ARID1B: variants seen among roughly 807,000 people sequenced by gnomAD.
ARID1B encodes the protein AT-rich interactive domain-containing protein 1B.
In ARID1B, 30 loss-of-function variants were observed where a neutral mutation model predicts 212.3. That is an observed-to-expected ratio of 0.14 (90% CI 0.11 to 0.19). The LOEUF is 0.19. Ranked by LOEUF, ARID1B falls within the 10% of genes least tolerant of loss-of-function variation. ARID1B has a pLI of 1.00. For missense variants in ARID1B, 2,891 were observed against 3,204.0 expected (o/e 0.90, Z 2.36); for synonymous variants, 1,402 against 1,301.7 (o/e 1.08, Z -1.66).
At position 156,841,181 on chromosome 6, in the gene ARID1B, C is replaced by T. The variant is rs11966781; in HGVS notation, c.1986+11760C>T. Reference sequence around the variant, plus strand: ...CACATCCATGTTTGTGCTGGGATCACGGAAAGGGCTTTTGATGGCATTTTA... The same window carrying T: ...CACATCCATGTTTGTGCTGGGATCATGGAAAGGGCTTTTGATGGCATTTTA... On this transcript the variant is annotated intron_variant, in intron 2 of 19. Transcript: ENST00000636930. 4.5e-3 allele frequency among the ~76,000 whole-genome samples: 678 copies of T among 152,264 alleles called. 1 individual carries two copies. The highest frequency in any genetic ancestry group is 0.012 in the African/African-American group (481 of 41,544).
intron 2 of ARID1B, among the ~76,000 whole-genome samples, chr6:156,835,625 T>C (rs758477797): frequency 2.0e-5 from 3 of 152,230 alleles, no homozygotes; most frequent in Non-Finnish European, 2.9e-5. Flanking sequence ...GCTGGTAGTT[T>C]ATACTGTTTT....
chr6:157,049,629 A>G (rs1487014480), intron 4 of ARID1B, among the ~76,000 whole-genome samples: 2 of 152,178 alleles, frequency 1.3e-5, no homozygotes, highest in Non-Finnish European at 2.9e-5. Context: ...ATTTTTTTGT[A>G]TCTCATTGAG....
chr6:156,990,560 G>GA, intron 4 of ARID1B, among the ~76,000 whole-genome samples: 1 of 152,128 alleles, frequency 6.6e-6, no homozygotes, highest in Non-Finnish European at 1.5e-5. Flanking sequence ...AGAATCACTT[G>GA]ACCGAGGGAG....
Position 156,778,637 on chromosome 6 carries a change from C to T in ARID1B, c.957C>T (p.Ser319=), listed in dbSNP as rs867654981. Residue 319 remains serine, a synonymous_variant, in exon 1 of 20, where the codon AGC becomes AGT. Coordinates refer to ENST00000636930, the MANE Select transcript of ARID1B (RefSeq NM_001374828.1). ...AVPEFNNYYG[S]AAPASGGPGG... is the part of the protein sequence containing the mutation. ...CGGAGTTTAATAATTACTATGGCAGCGCTGCCCCTGCGAGCGGCGGCCCCG... is the reference window on the plus strand; with the variant it reads ...CGGAGTTTAATAATTACTATGGCAGTGCTGCCCCTGCGAGCGGCGGCCCCG... 3.4e-6 allele frequency: 5 copies of T among 1,467,608 alleles called. No homozygotes were observed. The highest frequency in any genetic ancestry group is 4.5e-5 in the Admixed American group (2 of 44,714). The allele number at this position is 1,467,608 out of a possible 1,614,324, so 90.9% of individuals were successfully genotyped here. A position where few individuals can be genotyped will look rare whatever the true frequency, so the allele number is the denominator to read the frequency against.
intron 5 of ARID1B, among the ~76,000 whole-genome samples, chr6:157,097,737 A>G (rs771166544): frequency 2.6e-5 from 4 of 152,238 alleles, no homozygotes; most frequent in Non-Finnish European, 5.9e-5. Flanking sequence ...GAAAGGGAGC[A>G]GGCAGGCGCC....
At chr6:156,781,581 TC>T (rs1268723561) in intron 1 of ARID1B, among the ~76,000 whole-genome samples, 1 of 152,112 alleles carries the variant, frequency 6.6e-6, no homozygotes, top group East Asian at 1.9e-4. Context: ...TAACAAATAA[TC>T]TTGTGAATCC....
chr6:156,923,762 T>C (rs1186570310), intron 3 of ARID1B, among the ~76,000 whole-genome samples: 1 of 150,806 alleles, frequency 6.6e-6, no homozygotes, highest in African/African-American at 2.4e-5. Context: ...TGGAGTGCAG[T>C]GGTACAATCT....
At chr6:156,969,324 T>C (rs1776758208) in intron 4 of ARID1B, among the ~76,000 whole-genome samples, 1 of 152,204 alleles carries the variant, frequency 6.6e-6, no homozygotes, top group Non-Finnish European at 1.5e-5. Flanking sequence ...TAGTCTGGGC[T>C]TAACTTGTAC....
At chr6:157,114,188 C>G (rs1787150786) in intron 6 of ARID1B, among the ~76,000 whole-genome samples, 1 of 152,146 alleles carries the variant, frequency 6.6e-6, no homozygotes, top group African/African-American at 2.4e-5. Flanking sequence ...CTGAAAGAAA[C>G]AGGCCAAGAA....
intron 5 of ARID1B, among the ~76,000 whole-genome samples, chr6:157,086,709 A>T (rs1331553106): frequency 6.6e-6 from 1 of 152,196 alleles, no homozygotes; most frequent in Non-Finnish European, 1.5e-5. Flanking sequence ...AGAAGATAAA[A>T]CCCAACAGAA....
intron 4 of ARID1B, among the ~76,000 whole-genome samples, chr6:157,080,134 C>T (rs1461388816): frequency 6.6e-6 from 1 of 152,186 alleles, no homozygotes; most frequent in South Asian, 2.1e-4. Context: ...TGGGGCACTT[C>T]TGAGCAAGAG....
chr6:157,180,391 C>A (rs202115641), intron 11 of ARID1B, among the ~76,000 whole-genome samples: 2,022 of 147,140 alleles, frequency 0.014, 51 homozygotes, highest in African/African-American at 0.049. Flanking sequence ...CAAAAAAAAA[C>A]AAAAAACACA....
chr6:156,824,496 G>A (rs765486497), intron 1 of ARID1B, among the ~76,000 whole-genome samples: 1 of 152,216 alleles, frequency 6.6e-6, no homozygotes. Flanking sequence ...CAGGCGCAGC[G>A]GCTCACGCCT....
intron 4 of ARID1B, among the ~76,000 whole-genome samples, chr6:156,966,386 C>CTTTTCTTTTTTCTTTTCTT (rs1794748843): frequency 2.3e-3 from 90 of 38,880 alleles, no homozygotes; most frequent in African/African-American, 6.9e-3. Flanking sequence ...CTTTTCTTTT[C>CTTTTCTTTTTTCTTTTCTT]TTTTTTTTTT....
intron 2 of ARID1B, 34 bp from the exon 3 acceptor site, chr6:156,901,342 A>G (rs376715225): frequency 2.5e-6 from 4 of 1,613,468 alleles, no homozygotes; most frequent in Non-Finnish European, 3.4e-6. Flanking sequence ...GCACATTTTG[A>G]CTTTCTCATT....
chr6:157,126,598 G>GT (rs1432143885), intron 6 of ARID1B, among the ~76,000 whole-genome samples: 1 of 152,110 alleles, frequency 6.6e-6, no homozygotes, highest in Non-Finnish European at 1.5e-5. Context: ...GCAGATTTAT[G>GT]TTACGGATGA....
At chr6:157,016,556 G>A (rs1489632503) in intron 4 of ARID1B, among the ~76,000 whole-genome samples, 1 of 152,170 alleles carries the variant, frequency 6.6e-6, no homozygotes, top group East Asian at 1.9e-4. Flanking sequence ...TGTCTGTGTG[G>A]AGCTTCCTCC....
At chr6:157,078,104 G>A (rs1454318299) in intron 4 of ARID1B, among the ~76,000 whole-genome samples, 2 of 152,070 alleles carry the variant, frequency 1.3e-5, no homozygotes, top group African/African-American at 4.8e-5. Flanking sequence ...TAAGTTCGTT[G>A]GACTTAAGTA....
chr6:156,801,925 T>G (rs1490645994), intron 1 of ARID1B, among the ~76,000 whole-genome samples: 1 of 152,236 alleles, frequency 6.6e-6, no homozygotes, highest in Non-Finnish European at 1.5e-5. Flanking sequence ...ATCGAATTGC[T>G]TTCTCGAAAT....
Sources: gnomAD v4.1 joint callset for allele counts (sites outside exome capture counted in the v4.1 genomes callset) on GRCh38, gnomAD v4.1.1 for gene constraint, MANE v1.5 for transcripts, NCBI Gene and HGNC (gene_info 2026-07-23, HGNC 2026-07-21) for gene names.